HADHA: variants seen among roughly 807,000 people sequenced by gnomAD.
The protein encoded by HADHA is hydroxyacyl-CoA dehydrogenase trifunctional multienzyme complex subunit alpha.
HADHA carries 59 observed loss-of-function variants against 91.3 expected under a neutral mutation model. That is an observed-to-expected ratio of 0.65 (90% CI 0.52 to 0.80). HADHA has a LOEUF of 0.80. HADHA is among the 30% of genes least tolerant of loss of function. The probability of loss-of-function intolerance (pLI) is 0.00; values close to 1 mark genes in which losing one functional copy is unlikely to be tolerated. For synonymous variants in HADHA, 320 were observed against 338.9 expected, an observed-to-expected ratio of 0.94 and a Z score of 0.61; for missense variants, 800 against 927.6, an observed-to-expected ratio of 0.86 and a Z score of 1.79.
At chr2:26,217,681 A>G (rs1670272971) in intron 7 of HADHA, among the ~76,000 whole-genome samples, 1 of 152,172 alleles carries the variant, frequency 6.6e-6, no homozygotes, top group Non-Finnish European at 1.5e-5. Flanking sequence ...TGGGAGGATC[A>G]CGTGAGCCCA....
rs921313663 is a variant in HADHA at position 26,191,002 on chromosome 2, C to G, written c.*248G>C. The G allele has an allele frequency of 1.4e-5, 8 of 580,184 alleles. No homozygotes were observed. The highest frequency in any genetic ancestry group is 1.1e-4 in the Admixed American group (4 of 34,798). The allele number at this position is 580,184 out of a possible 1,614,324, so 35.9% of individuals were successfully genotyped here. A position where few individuals can be genotyped will look rare whatever the true frequency, so the allele number is the denominator to read the frequency against. Reference sequence around the variant, plus strand: ...CTTCAGATGGCTCTTGGCTGCCACTCTAGGCCTCGGGGCTTATACAATGAG... The same window carrying G: ...CTTCAGATGGCTCTTGGCTGCCACTGTAGGCCTCGGGGCTTATACAATGAG... On this transcript the variant is annotated 3_prime_UTR_variant, in exon 20 of 20. Transcript: ENST00000380649.
intron 4 of HADHA, among the ~76,000 whole-genome samples, chr2:26,235,578 A>C (rs1471477656): frequency 6.6e-6 from 1 of 152,228 alleles, no homozygotes; most frequent in Non-Finnish European, 1.5e-5. Context: ...GTTCTGTTTA[A>C]TGTTAATTTT....
At chr2:26,198,650 G>A (rs1438107065) in intron 13 of HADHA, among the ~76,000 whole-genome samples, 1 of 97,126 alleles carries the variant, frequency 1.0e-5, no homozygotes, top group Non-Finnish European at 2.0e-5. Context: ...GTAAAGTACT[G>A]CCTTAAGATT....
At chr2:26,235,508 T>C (rs1486593398) in intron 4 of HADHA, among the ~76,000 whole-genome samples, 1 of 152,206 alleles carries the variant, frequency 6.6e-6, no homozygotes, top group African/African-American at 2.4e-5. Context: ...TACATGTATT[T>C]TCCTCTGGAT....
chr2:26,230,129 G>T (rs1226865229), intron 7 of HADHA, 63 bp downstream of exon 7: 4 of 1,066,474 alleles, frequency 3.8e-6, no homozygotes, highest in Non-Finnish European at 4.4e-6. Context: ...GGCCTAAGAG[G>T]TTAACTCTTT....
Position 26,201,750 on chromosome 2 carries a change from C to T in HADHA, c.1221-430G>A, listed in dbSNP as rs946630150. Among the ~76,000 whole-genome samples the T allele has an allele frequency of 2.6e-5, 4 of 151,896 alleles. No homozygotes were observed. The South Asian group carries it at 6.2e-4, about 24-fold the overall frequency. On this transcript the variant is annotated intron_variant, in intron 12 of 19. Coordinates refer to ENST00000380649, the MANE Select transcript of HADHA (RefSeq NM_000182.5). Reference sequence around the variant, plus strand: ...GACCACATGGTTTATATTTGCTTATCGCAAATATATAATTTTATGTTATTC... The same window carrying T: ...GACCACATGGTTTATATTTGCTTATTGCAAATATATAATTTTATGTTATTC...
In HADHA at chr2:26,214,604, A is replaced by C; in HGVS notation, c.800-43T>G. 9.8e-7 allele frequency: 1 copy of C among 1,018,386 alleles called. No individual in the cohort carries two copies. The highest frequency in any genetic ancestry group is 1.6e-6 in the Non-Finnish European group (1 of 637,308). 63.1% of individuals were successfully genotyped at this position (1,018,386 alleles called of 1,614,324 possible). A position where few individuals can be genotyped will look rare whatever the true frequency, so the allele number is the denominator to read the frequency against. ...TTTAGATATTTACTATAAAGAGCCT[A>C]GATTCCCTTGTTAGTTTATGCTCTA... On this transcript the variant is annotated intron_variant, in intron 8 of 19. Transcript: ENST00000380649. The surrounding 1 kb of genome is among the most constrained non-coding windows in gnomAD (Gnocchi z 4.1).
intron 7 of HADHA, among the ~76,000 whole-genome samples, chr2:26,225,845 T>C (rs1048642275): frequency 6.6e-6 from 1 of 152,142 alleles, no homozygotes; most frequent in African/African-American, 2.4e-5. Context: ...TCTTAGACAT[T>C]GTGGTAAGTC....
chr2:26,216,757 T>C (rs1014988732), intron 7 of HADHA, among the ~76,000 whole-genome samples: 5 of 152,134 alleles, frequency 3.3e-5, no homozygotes, highest in Non-Finnish European at 5.9e-5. Context: ...AGCTGGAATC[T>C]GTGACGTGAA....
At chr2:26,205,923 A>C (rs1296122996) in intron 11 of HADHA, among the ~76,000 whole-genome samples, 1 of 152,184 alleles carries the variant, frequency 6.6e-6, no homozygotes. Context: ...GAACATGCAT[A>C]TATCAATTTA....
rs755518457 is a variant in HADHA at position 26,191,398 on chromosome 2, G to T, written c.2147-3C>A. Reference sequence around the variant, plus strand: ...CAGATCCACAAAGCGGAAAGGCCCTGAATAGAGAAAGAGGACTTCGTTGAA... The same window carrying T: ...CAGATCCACAAAGCGGAAAGGCCCTTAATAGAGAAAGAGGACTTCGTTGAA... On this transcript the variant is annotated splice_region_variant and splice_polypyrimidine_tract_variant and intron_variant, in intron 19 of 19. Coordinates refer to ENST00000380649, the MANE Select transcript of HADHA (RefSeq NM_000182.5). 3.7e-6 allele frequency: 6 copies of T among 1,614,222 alleles called. No homozygotes were observed. Among genetic ancestry groups the T allele is most frequent in the South Asian group, 2.2e-5 (2 of 91,086 alleles).
Position 26,214,912 on chromosome 2 carries a change from T to G in HADHA, c.799+141A>C. 1.2e-6 allele frequency: 1 copy of G among 841,352 alleles called. No homozygotes were observed. Among genetic ancestry groups the G allele is most frequent in the Non-Finnish European group, 2.0e-6 (1 of 492,894 alleles). The allele number at this position is 841,352 out of a possible 1,614,324, so 52.1% of individuals were successfully genotyped here. On this transcript the variant is annotated intron_variant, in intron 8 of 19. Transcript: ENST00000380649. The surrounding 1 kb of genome is among the most constrained non-coding windows in gnomAD (Gnocchi z 4.1). ...AACTGGATAGTGTAAAGTTGAGGAG[T>G]TGTTACATCTCCTACCTAAGGCTGA...
At chr2:26,228,852 ATTC>A (rs1670544874) in intron 7 of HADHA, among the ~76,000 whole-genome samples, 1 of 151,818 alleles carries the variant, frequency 6.6e-6, no homozygotes, top group Non-Finnish European at 1.5e-5. Context: ...AAAAAAAAAA[ATTC>A]TTTTTTAAGA....
At chr2:26,206,710 G>T (rs1669980850) in intron 11 of HADHA, among the ~76,000 whole-genome samples, 1 of 152,150 alleles carries the variant, frequency 6.6e-6, no homozygotes, top group African/African-American at 2.4e-5. Flanking sequence ...TTATACACAA[G>T]ATGACATGCT....
In HADHA at chr2:26,201,207, A is replaced by T; in HGVS notation, c.1334T>A (p.Ile445Asn). ...ACTAAGGTCCTCAAACACAGCTTCA[A>T]TCACCATGTCGGCCTTTTCAAAACC... ...YQGFEKADMV[I>N]EAVFEDLSLK... is the part of the protein sequence containing the mutation. The change falls in exon 13 of 20, where the codon ATT becomes AAT. Residue 445 changes from isoleucine to asparagine, a missense_variant. Transcript: ENST00000380649. The T allele has an allele frequency of 6.2e-7, 1 of 1,613,904 alleles. No individual in the cohort carries two copies. The highest frequency in any genetic ancestry group is 1.1e-5 in the South Asian group (1 of 91,076).
intron 7 of HADHA, among the ~76,000 whole-genome samples, chr2:26,216,940 A>G (rs966082244): frequency 4.1e-4 from 63 of 152,372 alleles, no homozygotes; most frequent in South Asian, 6.2e-4. Context: ...ACCCATAGCC[A>G]GGAGACAGAT....
At chr2:26,230,426 A>G (rs573953438) in intron 6 of HADHA, 132 bp from the exon 7 acceptor site, 1 of 698,788 alleles carries the variant, frequency 1.4e-6, no homozygotes, top group South Asian at 1.5e-5. Context: ...ATTTGTCAAC[A>G]GCATAGATAA....
In HADHA at chr2:26,232,183, C is replaced by T. The variant is rs1670639950; in HGVS notation, c.550G>A (p.Gly184Ser). 2.5e-6 allele frequency: 4 copies of T among 1,611,166 alleles called. No individual in the cohort carries two copies. Among genetic ancestry groups the T allele is most frequent in the Admixed American group, 1.7e-5 (1 of 59,984 alleles). The change falls in exon 6 of 20, where the codon GGC (glycine) becomes AGC (serine). Residue 184 changes from glycine (G) to serine (S), a missense_variant. By Grantham distance (56) the Gly-to-Ser change is moderately conservative (BLOSUM62 0). Coordinates refer to ENST00000380649, the MANE Select transcript of HADHA (RefSeq NM_000182.5). ...ACCATTTTGGGCAGCCTTTGTGTGC[C>T]TCCTGCTCCTGGTAAGGCCCCCAGC... Reference protein sequence around the residue: ...VLLGALPGAGGTQRLPKMVGV... With the variant: ...VLLGALPGAGSTQRLPKMVGV...
intron 4 of HADHA, chr2:26,235,448 T>C (rs1043452791): frequency 3.9e-5 from 6 of 152,268 alleles, no homozygotes; most frequent in South Asian, 2.1e-4. Context: ...ATAACTAGTA[T>C]ATTCTGTAAT....
Sources: gnomAD v4.1 joint callset for allele counts (sites outside exome capture counted in the v4.1 genomes callset) on GRCh38, gnomAD v4.1.1 for gene constraint, Gnocchi (gnomAD v3.1) non-coding constraint, MANE v1.5 for transcripts, NCBI Gene and HGNC (gene_info 2026-07-23, HGNC 2026-07-21) for gene names.